Variants in MARCHF1 observed in about 807,000 individuals in gnomAD.
MARCHF1 encodes membrane associated ring-CH-type finger 1.
In MARCHF1, 40 loss-of-function variants were observed where a neutral mutation model predicts 54.2. The ratio of observed to expected loss-of-function variants is 0.74; its 90% CI spans 0.57 to 0.96. The LOEUF is 0.96. MARCHF1 is among the 40% of genes least tolerant of loss of function. The pLI is 0.00. For missense variants in MARCHF1, 586 were observed against 656.5 expected, an observed-to-expected ratio of 0.89 and a Z score of 1.17; for synonymous variants, 236 against 236.3, an observed-to-expected ratio of 1.00 and a Z score of 0.01.
intron 2 of MARCHF1, among the ~76,000 whole-genome samples, chr4:164,002,523 C>T (rs1241293668): frequency 6.6e-6 from 1 of 150,622 alleles, no homozygotes; most frequent in Non-Finnish European, 1.5e-5. Context: ...CAAACCATAG[C>T]GCCAAAAAAA....
At chr4:163,604,901 A>G (rs1741092231) in intron 7 of MARCHF1, among the ~76,000 whole-genome samples, 2 of 152,042 alleles carry the variant, frequency 1.3e-5, no homozygotes, top group Admixed American at 6.6e-5. Flanking sequence ...CCTCAGGGAA[A>G]TGCTCTACTA....
chr4:164,355,757 T>A (rs1320664976), intron 1 of MARCHF1, among the ~76,000 whole-genome samples: 1 of 102,368 alleles, frequency 9.8e-6, no homozygotes, highest in African/African-American at 3.2e-5. Flanking sequence ...AAGCCAAAAT[T>A]GACAAATGGG....
intron 1 of MARCHF1, among the ~76,000 whole-genome samples, chr4:164,213,204 TTATTATTATTATTATTA>T (rs1731827937): frequency 1.6e-4 from 1 of 6,214 alleles, no homozygotes; most frequent in African/African-American, 4.3e-3. Flanking sequence ...GCTTTTACTT[TTATTATTATTATTATTA>T]TTATTATTAT....
At chr4:163,906,473 TC>T (rs1579382570) in intron 3 of MARCHF1, among the ~76,000 whole-genome samples, 2 of 151,978 alleles carry the variant, frequency 1.3e-5, no homozygotes, top group East Asian at 3.9e-4. Context: ...TATTTTTTTT[TC>T]AAATACAAAA....
At chr4:163,934,669 GTACTTC>G (rs975142616) in intron 3 of MARCHF1, among the ~76,000 whole-genome samples, 20 of 148,034 alleles carry the variant, frequency 1.4e-4, no homozygotes, top group Non-Finnish European at 2.4e-4. Flanking sequence ...TCTTCAGGCT[GTACTTC>G]TACTTCTAGT....
chr4:163,987,596 G>C (rs1752894504), intron 3 of MARCHF1, among the ~76,000 whole-genome samples: 1 of 152,146 alleles, frequency 6.6e-6, no homozygotes, highest in African/African-American at 2.4e-5. Context: ...TGTAGAACTG[G>C]AGGTAGACAA....
At chr4:163,806,761 G>A (rs1748235570) in intron 4 of MARCHF1, among the ~76,000 whole-genome samples, 1 of 152,034 alleles carries the variant, frequency 6.6e-6, no homozygotes, top group South Asian at 2.1e-4. Context: ...CAAGTTAAAA[G>A]GTTTCCATTC....
chr4:163,981,602 TG>T (rs1206462593), intron 3 of MARCHF1, among the ~76,000 whole-genome samples: 2 of 152,148 alleles, frequency 1.3e-5, no homozygotes, highest in African/African-American at 4.8e-5. Flanking sequence ...GGGAATGAGC[TG>T]GGGGGAAAGC....
At chr4:163,572,460 T>C (rs538834482) in intron 8 of MARCHF1, among the ~76,000 whole-genome samples, 1 of 152,196 alleles carries the variant, frequency 6.6e-6, no homozygotes, top group South Asian at 2.1e-4. Flanking sequence ...CTCAAAGTGG[T>C]TAAGTGCAGA....
chr4:163,915,054 G>A (rs1482977083), intron 3 of MARCHF1, among the ~76,000 whole-genome samples: 1 of 152,140 alleles, frequency 6.6e-6, no homozygotes, highest in Non-Finnish European at 1.5e-5. Context: ...TTTATTCCAA[G>A]AGCAATATAA....
intron 4 of MARCHF1, among the ~76,000 whole-genome samples, chr4:163,711,686 C>T (rs1745109429): frequency 6.6e-6 from 1 of 152,172 alleles, no homozygotes; most frequent in African/African-American, 2.4e-5. Flanking sequence ...CTCTCTTTCT[C>T]TGGGTTCTGG....
intron 4 of MARCHF1, among the ~76,000 whole-genome samples, chr4:163,845,016 C>T (rs1749445190): frequency 1.3e-5 from 2 of 152,070 alleles, no homozygotes; most frequent in South Asian, 4.1e-4. Context: ...GTTCCTGTTC[C>T]ACCACTTTTC....
chr4:163,658,665 T>C (rs1401587647), intron 5 of MARCHF1, among the ~76,000 whole-genome samples: 3 of 152,000 alleles, frequency 2.0e-5, no homozygotes, highest in African/African-American at 4.8e-5. Flanking sequence ...CTGGAAGTCA[T>C]TACCCTCAGC....
chr4:164,352,620 A>C (rs906219424), intron 1 of MARCHF1, among the ~76,000 whole-genome samples: 1 of 150,444 alleles, frequency 6.6e-6, no homozygotes, highest in African/African-American at 2.4e-5. Context: ...AGCGCTAAAC[A>C]TGGAAAGGAA....
At chr4:163,533,826 T>G (rs1738442009) in intron 9 of MARCHF1, among the ~76,000 whole-genome samples, 1 of 151,672 alleles carries the variant, frequency 6.6e-6, no homozygotes, top group Non-Finnish European at 1.5e-5. Context: ...ATTGGTAATG[T>G]ATGCATGATA....
chr4:164,040,316 A>G (rs1197378550), intron 2 of MARCHF1, among the ~76,000 whole-genome samples: 7 of 143,616 alleles, frequency 4.9e-5, no homozygotes, highest in Non-Finnish European at 9.0e-5. Context: ...ATACTTATAA[A>G]TATGTATAAA....
intron 4 of MARCHF1, among the ~76,000 whole-genome samples, chr4:163,756,631 C>CAAAAAAAAA (rs67382228): frequency 3.0e-5 from 2 of 67,582 alleles, no homozygotes; most frequent in African/African-American, 6.6e-5. Context: ...GACTCTGTCT[C>CAAAAAAAAA]AAAAAAAAAA....
intron 2 of MARCHF1, among the ~76,000 whole-genome samples, chr4:164,069,026 T>C (rs1234605172): frequency 6.6e-6 from 1 of 152,130 alleles, no homozygotes; most frequent in Non-Finnish European, 1.5e-5. Flanking sequence ...TAAGGGATTG[T>C]GAATGCACCA....
At chr4:163,776,120 T>C (rs151032214) in intron 4 of MARCHF1, among the ~76,000 whole-genome samples, 1 of 152,316 alleles carries the variant, frequency 6.6e-6, no homozygotes, top group East Asian at 1.9e-4. Flanking sequence ...GACACTTTTC[T>C]GAACCCTTGC....
Sources: allele counts gnomAD v4.1 joint callset (sites outside exome capture counted in the v4.1 genomes callset), GRCh38; gene constraint gnomAD v4.1.1; transcripts MANE v1.5; gene names NCBI Gene and HGNC (gene_info 2026-07-23, HGNC 2026-07-21).